The following NEO1 variants were observed in gnomAD, a reference collection of about 807,000 sequenced individuals.
The protein encoded by NEO1 is neogenin 1.
NEO1 carries 63 observed loss-of-function variants against 159.7 expected under a neutral mutation model. The observed-to-expected ratio is 0.39, with a 90% CI of 0.32 to 0.49. The LOEUF (loss-of-function observed/expected upper bound fraction) is 0.49. NEO1 is among the 20% of genes least tolerant of loss of function. NEO1 has a pLI of 0.85. For missense variants in NEO1, 1,615 were observed against 1,831.0 expected, an observed-to-expected ratio of 0.88 and a Z score of 2.15; for synonymous variants, 633 against 662.0, an observed-to-expected ratio of 0.96 and a Z score of 0.67.
At chr15:73,066,821 T>A (rs1359002203) in intron 1 of NEO1, among the ~76,000 whole-genome samples, 2 of 152,194 alleles carry the variant, frequency 1.3e-5, no homozygotes, top group Non-Finnish European at 2.9e-5. Context: ...CTCAGCCTCT[T>A]CAGCAGTAGC....
At chr15:73,058,977 A>G (rs531957724) in intron 1 of NEO1, among the ~76,000 whole-genome samples, 3 of 152,246 alleles carry the variant, frequency 2.0e-5, no homozygotes, top group African/African-American at 7.2e-5. Flanking sequence ...TTGTAGTGCA[A>G]AGTAGGATAT....
intron 1 of NEO1, among the ~76,000 whole-genome samples, chr15:73,110,474 A>G (rs940581664): frequency 2.6e-5 from 4 of 152,172 alleles, no homozygotes; most frequent in African/African-American, 9.7e-5. Context: ...GGGTACAATA[A>G]AGTTTAGAAT....
In NEO1 at chr15:73,290,137, CTAAAT is replaced by C. The variant is rs1321900307; in HGVS notation, c.3742+903_3742+907del. Among the ~76,000 whole-genome samples, 3 of 147,602 alleles carry C rather than the reference CTAAAT, an allele frequency of 2.0e-5. No individual in the cohort carries two copies. In the East Asian group the frequency reaches 5.9e-4, roughly 29 times the overall value. On this transcript the variant is annotated intron_variant, in intron 25 of 28. Transcript: ENST00000261908. Reference sequence around the variant, plus strand: ...GGGCAACAGAGCCAAGAGCCAGTCTCTAAATTAATTAATTAAAATAATAAAATTTA... The same window carrying C: ...GGGCAACAGAGCCAAGAGCCAGTCTCTAATTAATTAAAATAATAAAATTTA...
chr15:73,213,773 G>C (rs1030771466), intron 7 of NEO1, among the ~76,000 whole-genome samples: 2 of 152,094 alleles, frequency 1.3e-5, no homozygotes, highest in African/African-American at 4.8e-5. Flanking sequence ...ATTTTCCTCT[G>C]GGTAGATACC....
At chr15:73,224,583 C>CTACT (rs71281949) in intron 7 of NEO1, among the ~76,000 whole-genome samples, 43,768 of 151,796 alleles carry the variant, frequency 0.29, 7,329 homozygotes, top group East Asian at 0.57. Flanking sequence ...TTTCTTTCTT[C>CTACT]TACTTGTTCG....
chr15:73,296,318 T>C (rs374347686), intron 26 of NEO1, among the ~76,000 whole-genome samples: 13 of 152,182 alleles, frequency 8.5e-5, no homozygotes, highest in African/African-American at 2.9e-4. Flanking sequence ...CCTGCCCAGC[T>C]TCTCCCTGGC....
intron 7 of NEO1, among the ~76,000 whole-genome samples, chr15:73,199,844 T>C (rs2036756092): frequency 6.6e-6 from 1 of 152,130 alleles, no homozygotes; most frequent in African/African-American, 2.4e-5. Context: ...CACCCTATAT[T>C]GGGGAGGAAC....
At chr15:73,219,224 T>C (rs898148584) in intron 7 of NEO1, among the ~76,000 whole-genome samples, 5 of 152,104 alleles carry the variant, frequency 3.3e-5, no homozygotes, top group African/African-American at 1.2e-4. Flanking sequence ...TCCATGTAGT[T>C]GAGCGGCTTT....
intron 7 of NEO1, among the ~76,000 whole-genome samples, chr15:73,190,051 T>C (rs1567433831): frequency 6.6e-6 from 1 of 152,190 alleles, no homozygotes; most frequent in African/African-American, 2.4e-5. Flanking sequence ...TGTCATTTTA[T>C]GCTAAAATCC....
intron 2 of NEO1, among the ~76,000 whole-genome samples, chr15:73,122,061 GTGTATATA>G (rs58373125): frequency 0.076 from 4,804 of 63,484 alleles, 301 homozygotes; most frequent in African/African-American, 0.2. Context: ...GTGTGTGTGT[GTGTATATA>G]TATATATATA....
intron 22 of NEO1, among the ~76,000 whole-genome samples, chr15:73,279,022 C>G (rs1021274748): frequency 6.6e-6 from 1 of 152,158 alleles, no homozygotes; most frequent in African/African-American, 2.4e-5. Flanking sequence ...ATGAGAGAAA[C>G]GCCTGTCCCC....
At chr15:73,267,384 ATTT>A (rs943835730) in intron 16 of NEO1, among the ~76,000 whole-genome samples, 2 of 152,026 alleles carry the variant, frequency 1.3e-5, no homozygotes, top group Non-Finnish European at 2.9e-5. Context: ...AGAGTTATAA[ATTT>A]TTTTTCTTTT....
At chr15:73,114,904 C>T (rs752738075) in intron 1 of NEO1, among the ~76,000 whole-genome samples, 1 of 152,024 alleles carries the variant, frequency 6.6e-6, no homozygotes, top group Non-Finnish European at 1.5e-5. Context: ...ACTATGATTC[C>T]AGTAAACTAA....
At chr15:73,087,133 T>C (rs1310232086) in intron 1 of NEO1, among the ~76,000 whole-genome samples, 2 of 152,220 alleles carry the variant, frequency 1.3e-5, no homozygotes, top group African/African-American at 4.8e-5. Flanking sequence ...ATGTTAGCTT[T>C]AGTTTTTTTG....
chr15:73,058,940 A>T (rs1341593094), intron 1 of NEO1, among the ~76,000 whole-genome samples: 2 of 152,200 alleles, frequency 1.3e-5, no homozygotes, highest in South Asian at 2.1e-4. Context: ...TCATTCGCTA[A>T]AGCTCAGGTT....
intron 21 of NEO1, among the ~76,000 whole-genome samples, chr15:73,277,810 T>G (rs1160959378): frequency 6.6e-6 from 1 of 152,228 alleles, no homozygotes; most frequent in African/African-American, 2.4e-5. Flanking sequence ...CTGTAAGTCC[T>G]CTGAGCAGTC....
At chr15:73,058,885 A>C (rs1040173496) in intron 1 of NEO1, among the ~76,000 whole-genome samples, 2 of 152,194 alleles carry the variant, frequency 1.3e-5, no homozygotes, top group Non-Finnish European at 2.9e-5. Flanking sequence ...ATTGTGTTCC[A>C]ACACTGGTCA....
At chr15:73,222,122 T>TTTTTTTG (rs2038325128) in intron 7 of NEO1, 1 of 140,104 alleles carries the variant, frequency 7.1e-6, no homozygotes, top group Admixed American at 7.4e-5. Context: ...TTTTTTTTTT[T>TTTTTTTG]GAGACAGAGT....
At chr15:73,257,468 T>C (rs2040425135) in intron 13 of NEO1, among the ~76,000 whole-genome samples, 1 of 152,164 alleles carries the variant, frequency 6.6e-6, no homozygotes, top group Admixed American at 6.5e-5. Flanking sequence ...TGGCACTGAG[T>C]ATACAACGTT....
Sources: gnomAD v4.1 joint callset for allele counts (sites outside exome capture counted in the v4.1 genomes callset) on GRCh38, gnomAD v4.1.1 for gene constraint, MANE v1.5 for transcripts, NCBI Gene and HGNC (gene_info 2026-07-23, HGNC 2026-07-21) for gene names.